Variants in KLRB1 observed in about 807,000 individuals in gnomAD.
The protein encoded by KLRB1 is killer cell lectin like receptor B1, also known as killer cell lectin-like receptor subfamily B member 1.
KLRB1 carries 27 observed loss-of-function variants against 33.5 expected under a neutral mutation model. The observed-to-expected ratio is 0.81, with a 90% CI of 0.59 to 1.11. The LOEUF is 1.11. Ranked by LOEUF, KLRB1 falls within the 50% of genes most tolerant of loss-of-function variation. KLRB1 has a pLI of 0.00. For missense variants in KLRB1, 241 were observed against 254.1 expected (o/e 0.95, Z 0.35); for synonymous variants, 64 against 88.9 (o/e 0.72, Z 1.58).
intron 1 of KLRB1, 138 bp from the exon 2 acceptor site, chr12:9,601,737 G>A (rs1433157649): frequency 9.2e-5 from 57 of 622,906 alleles, no homozygotes; most frequent in Non-Finnish European, 1.4e-4. Context: ...TGGGGGATGG[G>A]GGCAGGGAAC....
Position 9,594,809 on chromosome 12 carries a change from T to C in KLRB1, c.*465A>G, listed in dbSNP as rs1864477244. On this transcript the variant is annotated 3_prime_UTR_variant, in exon 6 of 6. Transcript: ENST00000229402. ...GATAGGTGTTTATTAAGTATCTTTA[T>C]TCAGGTTCATTGCAGCATCCAATTC... 6.5e-6 allele frequency: 1 copy of C among 154,084 alleles called. No individual in the cohort carries two copies. The highest frequency in any genetic ancestry group is 1.9e-4 in the East Asian group (1 of 5,254). The allele number at this position is 154,084 out of a possible 1,614,324, so 9.5% of individuals were successfully genotyped here. A position where few individuals can be genotyped will look rare whatever the true frequency, so the allele number is the denominator to read the frequency against.
At chr12:9,597,177 C>T (rs1864498933) in intron 5 of KLRB1, among the ~76,000 whole-genome samples, 1 of 151,990 alleles carries the variant, frequency 6.6e-6, no homozygotes, top group African/African-American at 2.4e-5. Context: ...TAGATTTTAA[C>T]CTCTTGTTTT....
Position 9,595,430 on chromosome 12 carries a change from CA to C in KLRB1, c.531-10del. 6.2e-7 allele frequency: 1 copy of C among 1,610,674 alleles called. No individual in the cohort carries two copies. The highest frequency in any genetic ancestry group is 8.5e-7 in the Non-Finnish European group (1 of 1,179,148). ...CACCTCTAATTTCTAAGCTGTGGAG[CA>C]AAAGAAAAGTCTGTCTTAGCATTTA... On this transcript the variant is annotated splice_polypyrimidine_tract_variant and intron_variant, in intron 5 of 5. Coordinates refer to ENST00000229402, the MANE Select transcript of KLRB1 (RefSeq NM_002258.3).
chr12:9,607,658 C>T, intron 1 of KLRB1, 97 bp downstream of exon 1: 6 of 816,934 alleles, frequency 7.3e-6, no homozygotes, highest in Non-Finnish European at 1.2e-5. Context: ...AAAACTACTG[C>T]TCATCTTTAA....
At chr12:9,602,797 C>T (rs1476725155) in intron 1 of KLRB1, among the ~76,000 whole-genome samples, 1 of 152,052 alleles carries the variant, frequency 6.6e-6, no homozygotes, top group African/African-American at 2.4e-5. Context: ...AAAAATTTAG[C>T]ATCAGATATA....
At chr12:9,607,335 C>CCTTCCTTCCTTCCTTCCTTTCTTT (rs1864621978) in intron 1 of KLRB1, among the ~76,000 whole-genome samples, 21 of 65,254 alleles carry the variant, frequency 3.2e-4, no homozygotes, top group East Asian at 2.5e-3. Flanking sequence ...CTCTTTCTTT[C>CCTTCCTTCCTTCCTTCCTTTCTTT]CTTTCTTTCT....
intron 3 of KLRB1, 81 bp downstream of exon 3, chr12:9,599,676 ATATGGATTGT>A: frequency 1.2e-6 from 1 of 847,310 alleles, no homozygotes; most frequent in African/African-American, 1.7e-5. Flanking sequence ...ATATCTTAAC[ATATGGATTGT>A]TATGAATTGT....
rs1864638960 is a variant in KLRB1 at position 9,607,679 on chromosome 12, T to G, written c.85+76A>C. 14 of 988,726 alleles carry G rather than the reference T, an allele frequency of 1.4e-5. No homozygotes were observed. The South Asian group carries it at 1.8e-4, about 13-fold the overall frequency. The allele number at this position is 988,726 out of a possible 1,614,324, so 61.2% of individuals were successfully genotyped here. ...ACTGCTCATCTTTAAAGCAATGATTTAAAGCCATAAATGTAACAGGAAGAT... is the reference window on the plus strand; with the variant it reads ...ACTGCTCATCTTTAAAGCAATGATTGAAAGCCATAAATGTAACAGGAAGAT... On this transcript the variant is annotated intron_variant, in intron 1 of 5. Transcript: ENST00000229402.
rs769370028 is a variant in KLRB1, at chr12:9,598,638, A to G, written c.275T>C (p.Leu92Ser). 2.0e-5 allele frequency: 32 copies of G among 1,611,504 alleles called. No homozygotes were observed. Among genetic ancestry groups the G allele is most frequent in the Non-Finnish European group, 2.5e-5 (29 of 1,178,634 alleles). ...TTGCTGCCAATATATTGGGCAGTTT[A>G]AGAGACCCGGTCTCTCTAAAGTAAA... ...RNKTTERPGL[L>S]NCPIYWQQLR... The change falls in exon 4 of 6, where the codon TTA becomes TCA. Residue 92 changes from leucine to serine, a missense_variant. Transcript: ENST00000229402.
chr12:9,598,620 C>T lies in KLRB1; in HGVS notation c.293G>A (p.Trp98Ter). ...RPGLLNCPIY[W>*]QQLREKCLLF... The stretch of plus-strand genomic sequence containing the variant: ...CAAGCATTTCTCTCGGAGTTGCTGC[C>T]AATATATTGGGCAGTTTAAGAGACC... Residue 98 changes from tryptophan (W) to a stop codon, truncating the protein, a stop_gained, in exon 4 of 6, where the codon TGG becomes TAG. Transcript: ENST00000229402. LOFTEE classifies it high-confidence loss of function. 1 of 1,612,332 alleles carries T rather than the reference C, an allele frequency of 6.2e-7. No individual in the cohort carries two copies. The highest frequency in any genetic ancestry group is 1.3e-5 in the African/African-American group (1 of 74,820).
At chr12:9,603,741 C>A (rs1864570771) in intron 1 of KLRB1, among the ~76,000 whole-genome samples, 1 of 151,778 alleles carries the variant, frequency 6.6e-6, no homozygotes, top group Non-Finnish European at 1.5e-5. Flanking sequence ...CAGCCTAATT[C>A]TATTACTAAC....
In KLRB1 at chr12:9,599,841, A is replaced by G. The variant is rs747402093; in HGVS notation, c.185T>C (p.Val62Ala). The G allele has an allele frequency of 2.3e-5, 35 of 1,547,580 alleles. No individual in the cohort carries two copies. The East Asian group carries it at 5.4e-4, about 24-fold the overall frequency. ...TGATGATTTCTGTATTAAGGATGTC[A>G]CTAGTACATAAGGAAAAACAAGAGT... Reference protein sequence around the residue: ...VLVVTGLSVSVTSLIQKSSIE... With the variant: ...VLVVTGLSVSATSLIQKSSIE... Residue 62 changes from valine (V) to alanine (A), a missense_variant and splice_region_variant, in exon 3 of 6, where the codon GTG becomes GCG. By Grantham distance (64) the Val-to-Ala change is moderately conservative (BLOSUM62 0). Coordinates refer to ENST00000229402, the MANE Select transcript of KLRB1 (RefSeq NM_002258.3).
In KLRB1 at chr12:9,598,038, A is replaced by G; in HGVS notation, c.530+8T>C. ...TTGAATATTAAAGTTAGCTCATCTA[A>G]TACTCACTCATTAGAATTTAAAAAA... On this transcript the variant is annotated splice_region_variant and intron_variant, in intron 5 of 5. Transcript: ENST00000229402. The G allele has an allele frequency of 8.1e-7, 1 of 1,238,134 alleles. No homozygotes were observed. Among genetic ancestry groups the G allele is most frequent in the East Asian group, 2.3e-5 (1 of 42,640 alleles). 76.7% of individuals were successfully genotyped at this position (1,238,134 alleles called of 1,614,324 possible).
Position 9,595,417 on chromosome 12 carries a change from C to G in KLRB1, c.535G>C (p.Glu179Gln). The change falls in exon 6 of 6, where the codon GAA becomes CAA. Residue 179 changes from glutamate to glutamine, a missense_variant. Glu to Gln is a conservative substitution (Grantham distance 29, BLOSUM62 2). Coordinates refer to ENST00000229402, the MANE Select transcript of KLRB1 (RefSeq NM_002258.3). The part of the protein sequence containing the change: ...NGSFLNSNDL[E>Q]IRGDAKENSC... ...TTTTCTTTAGCATCACCTCTAATTT[C>G]TAAGCTGTGGAGCAAAAGAAAAGTC... The G allele has an allele frequency of 6.2e-7, 1 of 1,611,960 alleles. No individual in the cohort carries two copies. The highest frequency in any genetic ancestry group is 8.5e-7 in the Non-Finnish European group (1 of 1,179,476).
At chr12:9,605,700 C>T (rs766085389) in intron 1 of KLRB1, among the ~76,000 whole-genome samples, 12 of 152,222 alleles carry the variant, frequency 7.9e-5, no homozygotes, top group African/African-American at 1.9e-4. Context: ...TACAGAGTGA[C>T]CACAGCCTCA....
rs1864567275 is a variant in KLRB1 at position 9,603,570 on chromosome 12, A to G, written c.86-1971T>C. On this transcript the variant is annotated intron_variant, in intron 1 of 5. Coordinates refer to ENST00000229402, the MANE Select transcript of KLRB1 (RefSeq NM_002258.3). ...CTCCCGAGTAGCTGGGATTACAGGCATGCGCCACCATGCCCGGCTAATTTT... is the reference window on the plus strand; with the variant it reads ...CTCCCGAGTAGCTGGGATTACAGGCGTGCGCCACCATGCCCGGCTAATTTT... Among the ~76,000 whole-genome samples, 8 of 149,710 alleles carry G rather than the reference A, an allele frequency of 5.3e-5. No homozygotes were observed. In the South Asian group the frequency reaches 1.7e-3, roughly 32 times the overall value.
chr12:9,607,335 C>CTTTCTTTCTTTCTTTCTTT lies in KLRB1; in HGVS notation c.85+419_85+420insAAAGAAAGAAAGAAAGAAA, dbSNP rs1491505010. Among the ~76,000 whole-genome samples, 65 of 65,246 alleles carry CTTTCTTTCTTTCTTTCTTT rather than the reference C, an allele frequency of 1.0e-3. 2 individuals carry two copies. The highest frequency in any genetic ancestry group is 2.4e-3 in the African/African-American group (58 of 23,974). The allele number at this position is 65,246 out of a possible 152,430, so 42.8% of individuals were successfully genotyped here. A position where few individuals can be genotyped will look rare whatever the true frequency, so the allele number is the denominator to read the frequency against. On this transcript the variant is annotated intron_variant, in intron 1 of 5. Coordinates refer to ENST00000229402, the MANE Select transcript of KLRB1 (RefSeq NM_002258.3). ...TTTCTTCTTTTCTTTCTCTTTCTTTCCTTTCTTTCTTTCTTTCTTCCTTTC... is the reference window on the plus strand; with the variant it reads ...TTTCTTCTTTTCTTTCTCTTTCTTTCTTTCTTTCTTTCTTTCTTTCTTTCTTTCTTTCTTTCTTCCTTTC...
At chr12:9,607,687 T>C in intron 1 of KLRB1, 68 bp downstream of exon 1, 1 of 1,055,258 alleles carries the variant, frequency 9.5e-7, no homozygotes, top group Admixed American at 1.7e-5. Context: ...TTTAAAGCCA[T>C]AAATGTAACA....
At chr12:9,598,300 T>C (rs1414625592) in intron 4 of KLRB1, 139 bp from the exon 5 acceptor site, 3 of 737,004 alleles carry the variant, frequency 4.1e-6, no homozygotes, top group Non-Finnish European at 6.9e-6. Context: ...TTTGTGATAT[T>C]TCTGTCTATG....
Sources: gnomAD v4.1 joint callset for allele counts (sites outside exome capture counted in the v4.1 genomes callset) on GRCh38, gnomAD v4.1.1 for gene constraint, MANE v1.5 for transcripts, NCBI Gene and HGNC (gene_info 2026-07-23, HGNC 2026-07-21) for gene names.